AKAP6: variants seen among roughly 807,000 people sequenced by gnomAD.
AKAP6 encodes the protein A-kinase anchor protein 6.
In AKAP6, 58 loss-of-function variants were observed where a neutral mutation model predicts 188.5. That is an observed-to-expected ratio of 0.31 (90% CI 0.25 to 0.38). The LOEUF (loss-of-function observed/expected upper bound fraction) is 0.38. AKAP6 is among the 10% of genes least tolerant of loss of function. The pLI is 1.00. For synonymous variants in AKAP6, 989 were observed against 998.6 expected, an observed-to-expected ratio of 0.99 and a Z score of 0.18; for missense variants, 2,710 against 2,740.0, an observed-to-expected ratio of 0.99 and a Z score of 0.24.
In AKAP6 at chr14:32,821,529, A is replaced by G. The variant is rs371464665; in HGVS notation, c.3716A>G (p.Asp1239Gly). ...ISLNEESNDL[D>G]QELQPVIPSL... Reference sequence around the variant, plus strand: ...TTGAATGAGGAATCAAATGACCTTGATCAAGAACTCCAACCTGTTATCCCT... The same window carrying G: ...TTGAATGAGGAATCAAATGACCTTGGTCAAGAACTCCAACCTGTTATCCCT... Residue 1239 changes from aspartate to glycine, a missense_variant, in exon 13 of 14, where the codon GAT becomes GGT. Asp to Gly is a moderately conservative substitution (Grantham distance 94). Transcript: ENST00000280979. 10 of 1,613,724 alleles carry G rather than the reference A, an allele frequency of 6.2e-6. No individual in the cohort carries two copies. Among genetic ancestry groups the G allele is most frequent in the Admixed American group, 1.7e-5 (1 of 59,916 alleles).
chr14:32,807,186 C>T (rs2034112748), intron 12 of AKAP6, among the ~76,000 whole-genome samples: 1 of 151,804 alleles, frequency 6.6e-6, no homozygotes, highest in Non-Finnish European at 1.5e-5. Context: ...CCTCTACATA[C>T]AAACTTAAAA....
intron 8 of AKAP6, among the ~76,000 whole-genome samples, chr14:32,679,613 T>C (rs1356023936): frequency 1.1e-4 from 16 of 152,194 alleles, no homozygotes; most frequent in Admixed American, 1.0e-3. Context: ...TGAAAAATTC[T>C]TTCTTATTGT....
At position 32,577,122 on chromosome 14, in the gene AKAP6, G is replaced by A. The variant is rs764885847; in HGVS notation, c.2349G>A (p.Gly783=). The A allele has an allele frequency of 5.0e-6, 8 of 1,606,750 alleles. No homozygotes were observed. In the South Asian group the frequency reaches 5.6e-5, roughly 11 times the overall value. Residue 783 remains glycine (G), a splice_region_variant and synonymous_variant, in exon 5 of 14, where the codon GGG becomes GGA. Coordinates refer to ENST00000280979, the MANE Select transcript of AKAP6 (RefSeq NM_004274.5). The part of the protein sequence containing the change: ...NYEAIWEKIE[G]FVNKLDEFIQ... ...CCCCTTTTCTTTCCTTTCACAAGGGGTTTGTAAACAAACTGGATGAATTCA... is the reference window on the plus strand; with the variant it reads ...CCCCTTTTCTTTCCTTTCACAAGGGATTTGTAAACAAACTGGATGAATTCA...
chr14:32,608,112 T>C (rs1457696455), intron 7 of AKAP6, among the ~76,000 whole-genome samples: 1 of 152,140 alleles, frequency 6.6e-6, no homozygotes, highest in Non-Finnish European at 1.5e-5. Flanking sequence ...AATTTTTTAA[T>C]GGTCTGCCAC....
chr14:32,356,399 C>T (rs1053779805), intron 1 of AKAP6, among the ~76,000 whole-genome samples: 1 of 152,114 alleles, frequency 6.6e-6, no homozygotes, highest in Non-Finnish European at 1.5e-5. Context: ...ACAGGCATCT[C>T]CCCCTCTACA....
At chr14:32,750,735 TTG>T (rs1344460029) in intron 11 of AKAP6, among the ~76,000 whole-genome samples, 2 of 77,360 alleles carry the variant, frequency 2.6e-5, no homozygotes, top group South Asian at 5.3e-4. Context: ...TAAATTAATT[TTG>T]TTTTTTTTTT....
intron 11 of AKAP6, among the ~76,000 whole-genome samples, chr14:32,744,150 C>T (rs1182275074): frequency 2.6e-5 from 4 of 152,214 alleles, no homozygotes; most frequent in Admixed American, 2.0e-4. Flanking sequence ...CTGCTGCCTG[C>T]CATATTGGAG....
At chr14:32,396,300 A>G (rs1387091144) in intron 1 of AKAP6, among the ~76,000 whole-genome samples, 3 of 152,186 alleles carry the variant, frequency 2.0e-5, no homozygotes, top group Admixed American at 6.5e-5. Context: ...TGCCATGTCA[A>G]GAGCAGATGA....
chr14:32,675,961 G>T (rs535901440), intron 7 of AKAP6, among the ~76,000 whole-genome samples: 2 of 152,118 alleles, frequency 1.3e-5, no homozygotes, highest in African/African-American at 4.8e-5. Context: ...GACTTCTCTC[G>T]TTAGGATTGT....
chr14:32,585,845 G>A (rs968250888), intron 5 of AKAP6, among the ~76,000 whole-genome samples: 2 of 152,092 alleles, frequency 1.3e-5, no homozygotes, highest in Admixed American at 1.3e-4. Context: ...AAATTTATAA[G>A]CTTGGTGAGA....
At chr14:32,507,594 A>G (rs1177199163) in intron 2 of AKAP6, among the ~76,000 whole-genome samples, 1 of 151,734 alleles carries the variant, frequency 6.6e-6, no homozygotes, top group Admixed American at 6.6e-5. Flanking sequence ...CACACGCAGC[A>G]AGGTATTTCA....
intron 9 of AKAP6, among the ~76,000 whole-genome samples, chr14:32,721,634 TAG>T (rs2139789138): frequency 6.6e-6 from 1 of 152,356 alleles, no homozygotes; most frequent in Non-Finnish European, 1.5e-5. Flanking sequence ...CATCTTAGCT[TAG>T]ATTATACAGC....
chr14:32,521,345 A>G (rs563276372), intron 2 of AKAP6, among the ~76,000 whole-genome samples: 63 of 152,098 alleles, frequency 4.1e-4, no homozygotes, highest in Non-Finnish European at 7.8e-4. Context: ...AGGGCAATCA[A>G]GCAGGAGAAA....
intron 2 of AKAP6, among the ~76,000 whole-genome samples, chr14:32,514,430 T>C (rs138803394): frequency 0.013 from 1,924 of 152,322 alleles, 52 homozygotes; most frequent in African/African-American, 0.044. Flanking sequence ...CTTACTGATC[T>C]AAATAGATAA....
At chr14:32,333,088 A>G (rs7151016) in intron 1 of AKAP6, among the ~76,000 whole-genome samples, 28,727 of 152,036 alleles carry the variant, frequency 0.19, 2,860 homozygotes, top group East Asian at 0.36. Context: ...AGCCTTTTCT[A>G]GGTTCCAGGA....
intron 9 of AKAP6, among the ~76,000 whole-genome samples, chr14:32,715,833 A>G (rs554216368): frequency 1.3e-5 from 2 of 152,066 alleles, no homozygotes; most frequent in South Asian, 2.1e-4. Flanking sequence ...GAGAAGTTAT[A>G]TATACAAATA....
chr14:32,806,884 T>C (rs2034101610), intron 12 of AKAP6, among the ~76,000 whole-genome samples: 1 of 152,000 alleles, frequency 6.6e-6, no homozygotes, highest in Non-Finnish European at 1.5e-5. Context: ...ATGTATTCAT[T>C]CATTATTCAA....
chr14:32,544,390 G>A (rs2224266), intron 3 of AKAP6, among the ~76,000 whole-genome samples: 68,474 of 152,036 alleles, frequency 0.45, 19,918 homozygotes, highest in African/African-American at 0.83. Flanking sequence ...ATTAGTAATG[G>A]GACAAAAGCC....
chr14:32,604,312 A>G (rs1886049953), intron 7 of AKAP6, among the ~76,000 whole-genome samples: 1 of 152,162 alleles, frequency 6.6e-6, no homozygotes, highest in Non-Finnish European at 1.5e-5. Context: ...TGAGATCTTG[A>G]CATGATTGAG....
Sources: gnomAD v4.1 joint callset for allele counts (sites outside exome capture counted in the v4.1 genomes callset) on GRCh38, gnomAD v4.1.1 for gene constraint, MANE v1.5 for transcripts, NCBI Gene and HGNC (gene_info 2026-07-23, HGNC 2026-07-21) for gene names.